The following FHL5 variants were observed in gnomAD, a reference collection of about 807,000 sequenced individuals.
FHL5 encodes the protein four and a half LIM domains protein 5.
Under a neutral mutation model 32.0 loss-of-function variants are expected in FHL5, and 33 were observed. The ratio of observed to expected loss-of-function variants is 1.03; its 90% confidence interval spans 0.78 to 1.38. The LOEUF is 1.38. FHL5 is among the 40% of genes most tolerant of loss of function. The pLI, the probability that FHL5 is intolerant of heterozygous loss-of-function variation, is 0.00. For missense variants in FHL5, 336 were observed against 343.9 expected, an observed-to-expected ratio of 0.98 and a Z score of 0.18; for synonymous variants, 114 against 113.6, an observed-to-expected ratio of 1.00 and a Z score of -0.02.
In FHL5 at chr6:96,591,428, C is replaced by T. The variant is rs546054017; in HGVS notation, c.-12-12174C>T. On this transcript the variant is annotated intron_variant, in intron 1 of 5. Coordinates refer to ENST00000450218, the MANE Select transcript of FHL5 (RefSeq NM_001322466.2). Reference sequence around the variant, plus strand: ...TTTTCATTTTTTCCCTACTCTTTTCCGCACCTGTGATCTCCAATGTGTACT... The same window carrying T: ...TTTTCATTTTTTCCCTACTCTTTTCTGCACCTGTGATCTCCAATGTGTACT... 2.3e-3 allele frequency among the ~76,000 whole-genome samples: 344 copies of T among 152,098 alleles called. 1 individual carries two copies. The highest frequency in any genetic ancestry group is 7.8e-3 in the African/African-American group (324 of 41,500).
intron 3 of FHL5, among the ~76,000 whole-genome samples, chr6:96,605,357 G>T (rs1325311127): frequency 6.6e-6 from 1 of 152,050 alleles, no homozygotes; most frequent in Non-Finnish European, 1.5e-5. Context: ...GGGAAGACAG[G>T]GTTCATGTAT....
At chr6:96,596,476 CTTAA>C (rs948170058) in intron 1 of FHL5, among the ~76,000 whole-genome samples, 2 of 152,020 alleles carry the variant, frequency 1.3e-5, no homozygotes. Flanking sequence ...TGACACTTTC[CTTAA>C]TTGTTATTAA....
intron 4 of FHL5, among the ~76,000 whole-genome samples, chr6:96,607,110 C>G (rs551456861): frequency 6.6e-6 from 1 of 152,162 alleles, no homozygotes; most frequent in East Asian, 1.9e-4. Flanking sequence ...ATCCTCTAAG[C>G]TTTTATGTGA....
chr6:96,575,726 C>T (rs1277639914), intron 1 of FHL5, among the ~76,000 whole-genome samples: 1 of 152,162 alleles, frequency 6.6e-6, no homozygotes, highest in Non-Finnish European at 1.5e-5. Flanking sequence ...ATGAGAAGTT[C>T]TCTCTTACGA....
intron 1 of FHL5, among the ~76,000 whole-genome samples, chr6:96,568,607 TAA>T (rs1770410981): frequency 6.6e-6 from 1 of 151,928 alleles, no homozygotes; most frequent in African/African-American, 2.4e-5. Context: ...TTCTTTTTGA[TAA>T]GAGACTTTTT....
chr6:96,604,943 T>C lies in FHL5; in HGVS notation c.334+19T>C. 3 of 1,567,206 alleles carry C rather than the reference T, an allele frequency of 1.9e-6. No homozygotes were observed. Among genetic ancestry groups the C allele is most frequent in the Non-Finnish European group, 2.6e-6 (3 of 1,153,990 alleles). ...ATGCCTGGTAGGGTCTCAAGGGGGC[T>C]CCTGTCTCTAACTGAAGCTGTGATG... On this transcript the variant is annotated intron_variant, in intron 3 of 5. Coordinates refer to ENST00000450218, the MANE Select transcript of FHL5 (RefSeq NM_001322466.2).
Position 96,563,334 on chromosome 6 carries a change from G to C in FHL5, c.-34G>C, listed in dbSNP as rs1316038455. 1 of 152,142 alleles carries C rather than the reference G, an allele frequency of 6.6e-6. No homozygotes were observed. The highest frequency in any genetic ancestry group is 1.5e-5 in the Non-Finnish European group (1 of 68,024). The allele number at this position is 152,142 out of a possible 1,614,324, so 9.4% of individuals were successfully genotyped here. On this transcript the variant is annotated 5_prime_UTR_variant, in exon 1 of 6. Coordinates refer to ENST00000450218, the MANE Select transcript of FHL5 (RefSeq NM_001322466.2). ...TCCTTTCGTACTGTTTAAATCACAG[G>C]AAGAAGCGGCTTTAAGACAAAGTGA...
At position 96,600,842 on chromosome 6, in the gene FHL5, G is replaced by A. The variant is rs556413285; in HGVS notation, c.-12-2760G>A. On this transcript the variant is annotated intron_variant, in intron 1 of 5. Transcript: ENST00000450218. Reference sequence around the variant, plus strand: ...AAGATACGAGCTATAAGATAATCCAGACTCCTTGAGTGGGCAGGGAGTTCA... The same window carrying A: ...AAGATACGAGCTATAAGATAATCCAAACTCCTTGAGTGGGCAGGGAGTTCA... Among the ~76,000 whole-genome samples the A allele has an allele frequency of 1.1e-4, 16 of 152,238 alleles. 1 individual carries two copies. The South Asian group carries it at 3.3e-3, about 32-fold the overall frequency.
chr6:96,562,809 A>G (rs1200752817), upstream of FHL5: 2 of 152,224 alleles, frequency 1.3e-5, no homozygotes, highest in East Asian at 3.8e-4. Flanking sequence ...AGCGGTTCAG[A>G]CATTTCTAAC....
At chr6:96,577,741 T>C (rs1770612369) in intron 1 of FHL5, among the ~76,000 whole-genome samples, 1 of 152,202 alleles carries the variant, frequency 6.6e-6, no homozygotes, top group African/African-American at 2.4e-5. Flanking sequence ...CTTAGAAGGA[T>C]AGATGCAAAT....
chr6:96,584,461 T>TTTGTG (rs1562055791), intron 1 of FHL5, among the ~76,000 whole-genome samples: 10 of 85,308 alleles, frequency 1.2e-4, no homozygotes, highest in South Asian at 4.0e-4. Flanking sequence ...GTGTGTGTGT[T>TTTGTG]TGTGTGTGTG....
chr6:96,615,239 C>A (rs1771492781), intron 5 of FHL5, among the ~76,000 whole-genome samples: 2 of 152,194 alleles, frequency 1.3e-5, no homozygotes, highest in African/African-American at 4.8e-5. Context: ...GAAATGTATT[C>A]ATACTTAGAT....
At chr6:96,608,340 T>A (rs1477036368) in intron 4 of FHL5, among the ~76,000 whole-genome samples, 1 of 152,192 alleles carries the variant, frequency 6.6e-6, no homozygotes, top group African/African-American at 2.4e-5. Flanking sequence ...AATATTTATA[T>A]TGGGTAGTAG....
chr6:96,610,780 G>C (rs772698345), intron 5 of FHL5, 22 bp downstream of exon 5: 1 of 1,545,942 alleles, frequency 6.5e-7, no homozygotes, highest in South Asian at 1.2e-5. Flanking sequence ...AGTTCAATAT[G>C]ATCATGCCAT....
chr6:96,564,634 T>C (rs1409566338), intron 1 of FHL5, among the ~76,000 whole-genome samples: 1 of 152,220 alleles, frequency 6.6e-6, no homozygotes, highest in Non-Finnish European at 1.5e-5. Context: ...AATAAGAGTT[T>C]AGAAAATTTA....
chr6:96,615,566 C>A (rs1306612355), intron 5 of FHL5, 43 bp from the exon 6 acceptor site: 3 of 1,523,468 alleles, frequency 2.0e-6, no homozygotes. Flanking sequence ...TCAATCTGTT[C>A]CTTGAAAGGA....
At position 96,604,814 on chromosome 6, in the gene FHL5, C is replaced by G. The variant is rs752340294; in HGVS notation, c.224C>G (p.Ser75Cys). The change falls in exon 3 of 6, where the codon TCT (serine) becomes TGT (cysteine). Residue 75 changes from serine (S) to cysteine (C), a missense_variant. Ser to Cys is a moderately radical substitution (Grantham distance 112). Transcript: ENST00000450218. ...GCFKCTKCNH[S>C]LVEKPFAAKD... The stretch of plus-strand genomic sequence containing the variant: ...TTCAAGTGCACCAAATGCAATCACT[C>G]TTTGGTGGAAAAGCCTTTTGCTGCC... 4.3e-6 allele frequency: 7 copies of G among 1,613,954 alleles called. No individual in the cohort carries two copies. Among genetic ancestry groups the G allele is most frequent in the East Asian group, 2.2e-5 (1 of 44,882 alleles).
intron 1 of FHL5, among the ~76,000 whole-genome samples, chr6:96,594,236 T>C (rs1375897707): frequency 2.9e-4 from 11 of 37,792 alleles, no homozygotes; most frequent in African/African-American, 8.2e-4. Context: ...TTTATATATA[T>C]ATATATATAT....
chr6:96,615,342 C>T (rs1771495437), intron 5 of FHL5, among the ~76,000 whole-genome samples: 1 of 152,144 alleles, frequency 6.6e-6, no homozygotes, highest in Admixed American at 6.6e-5. Flanking sequence ...CCAAAAATAC[C>T]TGACTTGCAT....
Sources: allele counts gnomAD v4.1 joint callset (sites outside exome capture counted in the v4.1 genomes callset), GRCh38; gene constraint gnomAD v4.1.1; transcripts MANE v1.5; gene names NCBI Gene and HGNC (gene_info 2026-07-23, HGNC 2026-07-21).